Variants in ANKRD36C observed in about 807,000 individuals in gnomAD.
ANKRD36C encodes ankyrin repeat domain-containing protein 36C.
A neutral mutation model predicts 276.4 loss-of-function variants in ANKRD36C; 61 were observed. The ratio of observed to expected loss-of-function variants is 0.22; its 90% confidence interval spans 0.18 to 0.27. The LOEUF is 0.27. Ranked by LOEUF, ANKRD36C falls within the 10% of genes least tolerant of loss-of-function variation. The pLI is 1.00. For synonymous variants in ANKRD36C, 483 were observed against 680.1 expected (o/e 0.71, Z 4.51); for missense variants, 1,447 against 2,032.3 (o/e 0.71, Z 5.54).
At chr2:95,874,116 T>C (rs1303701375) in intron 59 of ANKRD36C, among the ~76,000 whole-genome samples, 1 of 152,080 alleles carries the variant, frequency 6.6e-6, no homozygotes, top group Non-Finnish European at 1.5e-5. Context: ...AGGTAATTTA[T>C]AGATTCAATG....
intron 12 of ANKRD36C, among the ~76,000 whole-genome samples, chr2:95,958,254 C>G (rs546407138): frequency 1.6e-4 from 24 of 152,048 alleles, no homozygotes; most frequent in Admixed American, 3.9e-4. Context: ...CCTACAATTT[C>G]TAGTACTTCA....
intron 19 of ANKRD36C, among the ~76,000 whole-genome samples, chr2:95,942,270 G>T (rs1361823707): frequency 6.6e-6 from 1 of 152,232 alleles, no homozygotes; most frequent in African/African-American, 2.4e-5. Flanking sequence ...AAAATAAAAA[G>T]AAAACAAAAT....
intron 17 of ANKRD36C, among the ~76,000 whole-genome samples, chr2:95,947,982 G>A (rs1410633700): frequency 6.6e-6 from 1 of 151,902 alleles, no homozygotes; most frequent in African/African-American, 2.4e-5. Context: ...TATTATTTTA[G>A]CCTAAATATA....
Position 95,919,684 on chromosome 2 carries a change from T to G in ANKRD36C, c.2246-1642A>C. 11 of 825,594 alleles carry G rather than the reference T, an allele frequency of 1.3e-5. 3 individuals are homozygous for G. The highest frequency in any genetic ancestry group is 1.6e-5 in the Non-Finnish European group (11 of 691,644). The allele number at this position is 825,594 out of a possible 1,614,324, so 51.1% of individuals were successfully genotyped here. A position where few individuals can be genotyped will look rare whatever the true frequency, so the allele number is the denominator to read the frequency against. ...GCTGATTTATTCGGGATAGAGAAGT[T>G]CTTTTTTATCTGGATTGAACATGAC... On this transcript the variant is annotated intron_variant, in intron 34 of 66. Transcript: ENST00000456556.
chr2:95,875,465 G>T (rs901747650), intron 59 of ANKRD36C, among the ~76,000 whole-genome samples: 1 of 144,732 alleles, frequency 6.9e-6, no homozygotes, highest in African/African-American at 2.6e-5. Flanking sequence ...TCACTCATAG[G>T]TGGGAATTGA....
At position 95,865,257 on chromosome 2, in the gene ANKRD36C, T is replaced by C. The variant is rs1466135799; in HGVS notation, c.3682+2183A>G. Among the ~76,000 whole-genome samples, 5 of 151,974 alleles carry C rather than the reference T, an allele frequency of 3.3e-5. No individual in the cohort carries two copies. The East Asian group carries it at 9.6e-4, about 29-fold the overall frequency. On this transcript the variant is annotated intron_variant, in intron 60 of 66. Transcript: ENST00000456556. ...CTTTATTGAGGAGTAGATTCGCTAT[T>C]GTTAAGATGTCAATTCTCCCCAAAT...
At chr2:95,908,763 G>A in intron 42 of ANKRD36C, 66 bp from the exon 47 acceptor site, 15 of 1,530,898 alleles carry the variant, frequency 9.8e-6, no homozygotes, top group Non-Finnish European at 1.3e-5. Flanking sequence ...ACATATTCAT[G>A]CAGTGTTAGC....
intron 1 of ANKRD36C, among the ~76,000 whole-genome samples, chr2:95,990,843 T>C (rs1573823673): frequency 6.6e-6 from 1 of 152,240 alleles, no homozygotes; most frequent in Non-Finnish European, 1.5e-5. Context: ...TCTCTCATTA[T>C]GCACCTTTCC....
chr2:95,874,033 A>G (rs1675880328), intron 59 of ANKRD36C, among the ~76,000 whole-genome samples: 3 of 152,058 alleles, frequency 2.0e-5, no homozygotes, highest in Admixed American at 2.0e-4. Context: ...AAAAGAGGAT[A>G]CAAACAAATG....
intron 1 of ANKRD36C, 106 bp from the exon 2 acceptor site, chr2:95,987,312 C>T: frequency 6.8e-7 from 1 of 1,476,980 alleles, no homozygotes; most frequent in South Asian, 1.4e-5. Flanking sequence ...GAAGAAAGTA[C>T]ATTTGTTAGC....
chr2:95,960,542 T>C (rs1678435667), exon 10 of ANKRD36C: 1 of 1,497,228 alleles, frequency 6.7e-7, no homozygotes, highest in East Asian at 2.5e-5. Flanking sequence ...TTGTCACTTG[T>C]ACCCTGAATG....
At chr2:95,977,260 A>G (rs1385211089) in intron 6 of ANKRD36C, among the ~76,000 whole-genome samples, 4 of 152,056 alleles carry the variant, frequency 2.6e-5, no homozygotes, top group Non-Finnish European at 5.9e-5. Context: ...TTTACATTCA[A>G]TGTTCACTAA....
At chr2:95,936,753 A>C (rs1186030124) in intron 22 of ANKRD36C, among the ~76,000 whole-genome samples, 3 of 152,162 alleles carry the variant, frequency 2.0e-5, no homozygotes, top group South Asian at 2.1e-4. Context: ...TGCCTTCCAC[A>C]TTTTGTTCTT....
At chr2:95,897,214 G>C (rs1676578140) in intron 44 of ANKRD36C, 56 bp downstream of exon 60, 1 of 1,296,270 alleles carries the variant, frequency 7.7e-7, no homozygotes, top group African/African-American at 1.5e-5. Context: ...ATTCACGGAA[G>C]AGAATTTCTT....
intron 3 of ANKRD36C, 162 bp downstream of exon 3, chr2:95,986,589 T>C: frequency 9.9e-7 from 1 of 1,013,604 alleles, no homozygotes. Flanking sequence ...TCTTTAAAAG[T>C]TCCAAAATTT....
chr2:95,930,774 C>G (rs1223107699), intron 24 of ANKRD36C, among the ~76,000 whole-genome samples: 1 of 150,924 alleles, frequency 6.6e-6, no homozygotes, highest in Non-Finnish European at 1.5e-5. Context: ...CCATCGGGGT[C>G]TCTCAGGTTG....
intron 24 of ANKRD36C, among the ~76,000 whole-genome samples, chr2:95,930,506 TCTCA>T (rs1558644610): frequency 6.6e-6 from 1 of 151,670 alleles, no homozygotes; most frequent in Non-Finnish European, 1.5e-5. Context: ...AGTTCAACTT[TCTCA>T]CTGTCTCTTC....
At chr2:95,977,456 A>G (rs1678835423) in intron 6 of ANKRD36C, among the ~76,000 whole-genome samples, 1 of 152,186 alleles carries the variant, frequency 6.6e-6, no homozygotes, top group Non-Finnish European at 1.5e-5. Flanking sequence ...AAGAAGGCAT[A>G]CGGGCAAGAA....
At chr2:95,921,873 G>T in intron 32 of ANKRD36C, 63 bp from the exon 33 acceptor site, 8 of 1,508,500 alleles carry the variant, frequency 5.3e-6, no homozygotes, top group Non-Finnish European at 7.2e-6. Flanking sequence ...ACATTCATGC[G>T]GTGTTAGCAT....
Sources: gnomAD v4.1 joint callset for allele counts (sites outside exome capture counted in the v4.1 genomes callset) on GRCh38, gnomAD v4.1.1 for gene constraint, MANE v1.5 for transcripts, NCBI Gene and HGNC (gene_info 2026-07-23, HGNC 2026-07-21) for gene names.